The following HDAC9 variants were observed in gnomAD, a reference collection of about 807,000 sequenced individuals.
HDAC9 encodes MEF-2 interacting transcription repressor (MITR) protein.
HDAC9 carries 41 observed loss-of-function variants against 139.4 expected under a neutral mutation model. The ratio of observed to expected loss-of-function variants is 0.29; its 90% CI spans 0.23 to 0.38. The LOEUF is 0.38. Ranked by LOEUF, HDAC9 falls within the 10% of genes least tolerant of loss-of-function variation. The pLI is 1.00. For synonymous variants in HDAC9, 517 were observed against 476.2 expected, an observed-to-expected ratio of 1.09 and a Z score of -1.12; for missense variants, 1,147 against 1,297.0, an observed-to-expected ratio of 0.88 and a Z score of 1.78.
Position 18,394,929 on chromosome 7 carries a change from T to C in HDAC9, c.-41-101333T>C, listed in dbSNP as rs1166084493. 2.0e-5 allele frequency among the ~76,000 whole-genome samples: 3 copies of C among 152,164 alleles called. 1 individual carries two copies. The highest frequency in any genetic ancestry group is 4.1e-4 in the South Asian group (2 of 4,834). ...GTTTGAAATTTTTCATTTAACATAA[T>C]TTAACAAAATAAGACAAAACTTCCA... is the stretch of plus-strand genomic sequence containing the variant. On this transcript the variant is annotated intron_variant, in intron 1 of 3. Coordinates refer to the HDAC9 transcript ENST00000413509.
At chr7:18,487,560 C>G (rs1047097545) in intron 1 of HDAC9, among the ~76,000 whole-genome samples, 1 of 151,972 alleles carries the variant, frequency 6.6e-6, no homozygotes, top group African/African-American at 2.4e-5. Context: ...ATAATATAAA[C>G]TTAGTGATAT....
intron 1 of HDAC9, among the ~76,000 whole-genome samples, chr7:18,106,280 G>A (rs898296621): frequency 6.6e-6 from 1 of 152,132 alleles, no homozygotes; most frequent in Non-Finnish European, 1.5e-5. Flanking sequence ...AAGCTCCTTA[G>A]AACTCAAGAT....
chr7:18,773,364 T>TACACAC (rs4043674), intron 16 of HDAC9, among the ~76,000 whole-genome samples: 45 of 142,840 alleles, frequency 3.2e-4, no homozygotes, highest in South Asian at 1.6e-3. Flanking sequence ...AAAAACTGTA[T>TACACAC]ACACACACAC....
intron 12 of HDAC9, among the ~76,000 whole-genome samples, chr7:18,692,588 T>C (rs1436826275): frequency 1.3e-5 from 2 of 152,130 alleles, no homozygotes; most frequent in Admixed American, 1.3e-4. Context: ...AATCTATTTA[T>C]CTCAGACTAA....
At chr7:18,265,006 T>C (rs1795910045) in intron 2 of HDAC9, among the ~76,000 whole-genome samples, 1 of 152,180 alleles carries the variant, frequency 6.6e-6, no homozygotes, top group Non-Finnish European at 1.5e-5. Context: ...TAGCCAAACA[T>C]TGTTCCCAGA....
intron 22 of HDAC9, among the ~76,000 whole-genome samples, chr7:18,887,458 A>G (rs1379582250): frequency 1.3e-5 from 2 of 152,116 alleles, no homozygotes; most frequent in African/African-American, 2.4e-5. Flanking sequence ...TTGTGTCTTG[A>G]TGTTCTTTTT....
chr7:18,094,569 TC>T (rs56781480), intron 1 of HDAC9, among the ~76,000 whole-genome samples: 34,500 of 151,768 alleles, frequency 0.23, 4,271 homozygotes, highest in African/African-American at 0.31. Context: ...TAGCTAGGAC[TC>T]ACAGGCTCAT....
intron 1 of HDAC9, among the ~76,000 whole-genome samples, chr7:18,480,715 A>G (rs1257204507): frequency 6.6e-6 from 1 of 152,208 alleles, no homozygotes; most frequent in Non-Finnish European, 1.5e-5. Flanking sequence ...TGATTGGTAC[A>G]TAGGTGATAA....
chr7:18,979,601 T>C (rs1784766599), intron 25 of HDAC9, among the ~76,000 whole-genome samples: 3 of 152,298 alleles, frequency 2.0e-5, no homozygotes, highest in Admixed American at 2.0e-4. Flanking sequence ...GGGTAATTTA[T>C]AAAGAAAAGA....
intron 1 of HDAC9, among the ~76,000 whole-genome samples, chr7:18,107,359 A>T (rs556017051): frequency 8.2e-4 from 125 of 152,374 alleles, no homozygotes; most frequent in African/African-American, 2.9e-3. Flanking sequence ...TAAGTTTTGA[A>T]CAAATGATTA....
chr7:18,822,606 G>A (rs1412880438), intron 17 of HDAC9, among the ~76,000 whole-genome samples: 74 of 152,146 alleles, frequency 4.9e-4, no homozygotes, highest in Admixed American at 4.8e-3. Context: ...ACCTGCCTTG[G>A]CCTCCCAAAA....
chr7:18,723,797 T>C (rs1361445714), intron 12 of HDAC9, among the ~76,000 whole-genome samples: 1 of 152,084 alleles, frequency 6.6e-6, no homozygotes, highest in East Asian at 1.9e-4. Context: ...GAAAAATATT[T>C]AGTAACCCCA....
chr7:18,136,079 T>C (rs1365592936), intron 1 of HDAC9, among the ~76,000 whole-genome samples: 3 of 149,200 alleles, frequency 2.0e-5, no homozygotes, highest in East Asian at 2.0e-4. Context: ...TTTCATGTGT[T>C]TTTTGGCTGT....
chr7:18,839,291 A>T lies in HDAC9; in HGVS notation c.2684+3294A>T, dbSNP rs540344311. 3.3e-5 allele frequency among the ~76,000 whole-genome samples: 5 copies of T among 152,100 alleles called. No homozygotes were observed. The South Asian group carries it at 1.0e-3, about 31-fold the overall frequency. On this transcript the variant is annotated intron_variant, in intron 21 of 25. Transcript: ENST00000686413. ...CTTTATATAAGTCACGGAACTACTA[A>T]TTGGAAGGGCAGTAATTTGAACTTA...
intron 21 of HDAC9, among the ~76,000 whole-genome samples, chr7:18,850,558 A>G (rs1797211990): frequency 6.6e-6 from 1 of 152,166 alleles, no homozygotes; most frequent in African/African-American, 2.4e-5. Context: ...GTCATATTGT[A>G]TTTGTCCTCA....
intron 12 of HDAC9, among the ~76,000 whole-genome samples, chr7:18,676,971 T>A (rs919774012): frequency 2.0e-5 from 3 of 151,932 alleles, no homozygotes; most frequent in East Asian, 3.9e-4. Flanking sequence ...ATCTTAGTGA[T>A]TTTTAGTCTA....
intron 1 of HDAC9, among the ~76,000 whole-genome samples, chr7:18,348,331 A>G (rs374561603): frequency 1.1e-3 from 166 of 152,312 alleles, no homozygotes; most frequent in African/African-American, 3.4e-3. Context: ...CATTTATACT[A>G]TGGACCAGAT....
intron 1 of HDAC9, among the ~76,000 whole-genome samples, chr7:18,474,958 T>A (rs889402596): frequency 2.0e-5 from 3 of 152,176 alleles, no homozygotes; most frequent in Admixed American, 1.3e-4. Context: ...ATGTCACTTA[T>A]TGGGAAGCAT....
intron 24 of HDAC9, among the ~76,000 whole-genome samples, chr7:18,955,011 T>A (rs1229020606): frequency 1.3e-5 from 2 of 152,102 alleles, no homozygotes; most frequent in African/African-American, 4.8e-5. Flanking sequence ...TATTTACACA[T>A]CAGGCCATAT....
Sources: allele counts gnomAD v4.1 joint callset (sites outside exome capture counted in the v4.1 genomes callset), GRCh38; gene constraint gnomAD v4.1.1; transcripts MANE v1.5; gene names NCBI Gene and HGNC (gene_info 2026-07-23, HGNC 2026-07-21).